LRP1B: variants seen among roughly 807,000 people sequenced by gnomAD.
LRP1B encodes the protein low-density lipoprotein receptor-related protein 1B.
In LRP1B, 217 loss-of-function variants were observed where a neutral mutation model predicts 556.6. The ratio of observed to expected loss-of-function variants is 0.39; its 90% CI spans 0.35 to 0.44. The LOEUF (loss-of-function observed/expected upper bound fraction) is 0.44. Among genes scored for constraint, LRP1B ranks in the 20% least tolerant of loss-of-function variants. LRP1B has a pLI of 1.00. For synonymous variants in LRP1B, 2,047 were observed against 1,865.8 expected (o/e 1.10, Z -2.50); for missense variants, 5,053 against 5,620.8 (o/e 0.90, Z 3.23).
At chr2:141,745,340 A>T (rs1000434140) in intron 2 of LRP1B, among the ~76,000 whole-genome samples, 1 of 152,138 alleles carries the variant, frequency 6.6e-6, no homozygotes, top group Non-Finnish European at 1.5e-5. Flanking sequence ...AAAATATTAG[A>T]AATCTACCGG....
At chr2:140,682,475 G>T (rs1349516019) in intron 41 of LRP1B, among the ~76,000 whole-genome samples, 1 of 152,166 alleles carries the variant, frequency 6.6e-6, no homozygotes, top group Admixed American at 6.5e-5. Flanking sequence ...TGGAACAATA[G>T]TCAACAGAGT....
intron 3 of LRP1B, among the ~76,000 whole-genome samples, chr2:141,338,894 T>C (rs918419624): frequency 3.3e-5 from 5 of 152,128 alleles, no homozygotes; most frequent in Non-Finnish European, 7.4e-5. Flanking sequence ...CTTTCATGAC[T>C]CTCCTTGTTC....
rs1466037134 is a variant in LRP1B at position 141,471,682 on chromosome 2, T to C, written c.343+8714A>G. Among the ~76,000 whole-genome samples, 3 of 152,192 alleles carry C rather than the reference T, an allele frequency of 2.0e-5. No individual in the cohort carries two copies. The East Asian group carries it at 5.8e-4, about 29-fold the overall frequency. On this transcript the variant is annotated intron_variant, in intron 3 of 90. Coordinates refer to ENST00000389484, the MANE Select transcript of LRP1B (RefSeq NM_018557.3). Reference sequence around the variant, plus strand: ...ATTTTTACCTACCTCAATTACTACATGTGAATTCCATGAAGGCAGAAAATA... The same window carrying C: ...ATTTTTACCTACCTCAATTACTACACGTGAATTCCATGAAGGCAGAAAATA...
In LRP1B at chr2:140,356,417, T is replaced by A. The variant is rs2105130215; in HGVS notation, c.11455A>T (p.Asn3819Tyr). Residue 3819 changes from asparagine (N) to tyrosine (Y), a missense_variant, in exon 75 of 91, where the codon AAT (asparagine) becomes TAT (tyrosine). Asn to Tyr is a moderately radical substitution (Grantham distance 143). Coordinates refer to ENST00000389484, the MANE Select transcript of LRP1B (RefSeq NM_018557.3). ...CAGAAAACAGATGTTTTTATTTGAT[T>A]ACAATATGCATCATCTCCACATGGA... ...VNPCGDDAYC[N>Y]QIKTSVFCRC... 6.2e-7 allele frequency: 1 copy of A among 1,609,096 alleles called. No individual in the cohort carries two copies.
intron 2 of LRP1B, among the ~76,000 whole-genome samples, chr2:141,543,737 G>GT (rs1553532881): frequency 6.9e-6 from 1 of 144,954 alleles, no homozygotes; most frequent in Admixed American, 6.9e-5. Flanking sequence ...AAAGAAAAAA[G>GT]AAAAAAAAAA....
chr2:140,804,648 A>ATTTTTTTTTTTTTTT lies in LRP1B; in HGVS notation c.5359+9008_5359+9009insAAAAAAAAAAAAAAA. ...TTAAGAGTTAGTGTAGGTAAAAACTAATTTTTTTTTTTTTTTTTTTTTTTT... is the reference window on the plus strand; with the variant it reads ...TTAAGAGTTAGTGTAGGTAAAAACTATTTTTTTTTTTTTTTATTTTTTTTTTTTTTTTTTTTTTTT... On this transcript the variant is annotated intron_variant, in intron 32 of 90. Transcript: ENST00000389484. 1.9e-5 allele frequency among the ~76,000 whole-genome samples: 2 copies of ATTTTTTTTTTTTTTT among 103,892 alleles called. 1 individual carries two copies. 68.2% of individuals were successfully genotyped at this position (103,892 alleles called of 152,430 possible). A position where few individuals can be genotyped will look rare whatever the true frequency, so the allele number is the denominator to read the frequency against.
chr2:141,447,847 G>A (rs1045143652), intron 3 of LRP1B, among the ~76,000 whole-genome samples: 1 of 152,190 alleles, frequency 6.6e-6, no homozygotes, highest in African/African-American at 2.4e-5. Flanking sequence ...TGAGGTGTCT[G>A]TTGACCCCTG....
At chr2:140,529,516 AC>A (rs1406133193) in intron 47 of LRP1B, among the ~76,000 whole-genome samples, 1 of 151,734 alleles carries the variant, frequency 6.6e-6, no homozygotes, top group African/African-American at 2.4e-5. Context: ...TATTTAATTC[AC>A]CCCTTAGGTT....
intron 14 of LRP1B, among the ~76,000 whole-genome samples, chr2:141,008,374 A>C (rs1361870050): frequency 6.6e-6 from 1 of 151,240 alleles, no homozygotes; most frequent in Non-Finnish European, 1.5e-5. Flanking sequence ...AATATGTAGA[A>C]ATAGGAAATA....
intron 3 of LRP1B, among the ~76,000 whole-genome samples, chr2:141,260,902 C>A (rs1415200922): frequency 1.3e-5 from 2 of 151,984 alleles, no homozygotes; most frequent in African/African-American, 4.8e-5. Context: ...AATAAAATTG[C>A]TTCTTAAATT....
At chr2:141,037,363 C>T (rs1698563574) in intron 11 of LRP1B, among the ~76,000 whole-genome samples, 1 of 151,992 alleles carries the variant, frequency 6.6e-6, no homozygotes, top group African/African-American at 2.4e-5. Flanking sequence ...TTATGTGAAC[C>T]TCTAAAATAG....
chr2:140,806,564 C>T (rs895231992), intron 32 of LRP1B, among the ~76,000 whole-genome samples: 1 of 152,132 alleles, frequency 6.6e-6, no homozygotes, highest in Non-Finnish European at 1.5e-5. Context: ...GGGCCCAGGG[C>T]TCAAACTCTT....
chr2:141,281,989 C>T (rs186368322), intron 3 of LRP1B, among the ~76,000 whole-genome samples: 1 of 152,026 alleles, frequency 6.6e-6, no homozygotes. Context: ...CAACTCTGAT[C>T]TTGGTAAATA....
intron 41 of LRP1B, among the ~76,000 whole-genome samples, chr2:140,694,143 AT>A (rs763170851): frequency 2.0e-5 from 3 of 152,334 alleles, no homozygotes; most frequent in East Asian, 3.9e-4. Flanking sequence ...AAATAAGCAT[AT>A]TCTTTGGTAA....
At chr2:140,934,567 C>T (rs1046413564) in intron 20 of LRP1B, among the ~76,000 whole-genome samples, 2 of 152,064 alleles carry the variant, frequency 1.3e-5, no homozygotes, top group African/African-American at 4.8e-5. Context: ...ACAGTCACAC[C>T]TATGAATCCC....
rs1032970758 is a variant in LRP1B, at chr2:142,003,472, A to G, written c.82+127176T>C. On this transcript the variant is annotated intron_variant, in intron 1 of 90. Transcript: ENST00000389484. ...CAGTGGACATAGCTCTATTTCAGGG[A>G]GTGTGACTTAAGATGCAGCTGTTAT... Among the ~76,000 whole-genome samples, 3 of 152,168 alleles carry G rather than the reference A, an allele frequency of 2.0e-5. No homozygotes were observed. The East Asian group carries it at 5.8e-4, about 29-fold the overall frequency.
At chr2:141,108,249 C>A (rs1402128184) in intron 7 of LRP1B, among the ~76,000 whole-genome samples, 1 of 148,606 alleles carries the variant, frequency 6.7e-6, no homozygotes, top group East Asian at 2.0e-4. Context: ...CAGGAAAACT[C>A]TTTAAACAAG....
chr2:140,844,041 G>A (rs182660595), intron 29 of LRP1B, among the ~76,000 whole-genome samples: 105 of 151,852 alleles, frequency 6.9e-4, no homozygotes, highest in East Asian at 4.7e-3. Flanking sequence ...ATTTAAATAC[G>A]TACTCAAGCA....
At chr2:141,374,739 C>A (rs917987265) in intron 3 of LRP1B, among the ~76,000 whole-genome samples, 1 of 152,034 alleles carries the variant, frequency 6.6e-6, no homozygotes, top group Non-Finnish European at 1.5e-5. Context: ...TTTCTTATCT[C>A]CTTGGTAAAC....
Sources: gnomAD v4.1 joint callset for allele counts (sites outside exome capture counted in the v4.1 genomes callset) on GRCh38, gnomAD v4.1.1 for gene constraint, MANE v1.5 for transcripts, NCBI Gene and HGNC (gene_info 2026-07-23, HGNC 2026-07-21) for gene names.